Variants in SPATA16 observed in about 807,000 individuals in gnomAD.
SPATA16 encodes the protein spermatogenesis-associated protein 16.
SPATA16 carries 36 observed loss-of-function variants against 63.3 expected under a neutral mutation model. The observed-to-expected ratio is 0.57, with a 90% CI of 0.44 to 0.75. SPATA16 has a LOEUF of 0.75. Among genes scored for constraint, SPATA16 ranks in the 30% least tolerant of loss-of-function variants. The pLI is 0.00. For missense variants in SPATA16, 646 were observed against 679.3 expected (o/e 0.95, Z 0.54); for synonymous variants, 203 against 216.7 (o/e 0.94, Z 0.56).
chr3:173,047,288 C>A (rs1247562324), intron 3 of SPATA16, among the ~76,000 whole-genome samples: 1 of 151,426 alleles, frequency 6.6e-6, no homozygotes, highest in Non-Finnish European at 1.5e-5. Context: ...TTTGACATGA[C>A]CATGCCATTT....
chr3:172,972,026 C>T (rs1400271721), intron 5 of SPATA16, among the ~76,000 whole-genome samples: 2 of 152,238 alleles, frequency 1.3e-5, no homozygotes, highest in South Asian at 2.1e-4. Context: ...TTTTTTGTCT[C>T]TCAGTTCAGC....
At chr3:173,093,143 C>G (rs185161142) in intron 2 of SPATA16, among the ~76,000 whole-genome samples, 2 of 151,790 alleles carry the variant, frequency 1.3e-5, no homozygotes, top group East Asian at 3.9e-4. Context: ...GAAAGTCTAT[C>G]CCCAATTCTA....
At chr3:173,137,385 C>T (rs563823657) in intron 1 of SPATA16, among the ~76,000 whole-genome samples, 4 of 152,136 alleles carry the variant, frequency 2.6e-5, no homozygotes, top group Non-Finnish European at 4.4e-5. Context: ...CAGAAATGAT[C>T]ACCTGCTACT....
intron 4 of SPATA16, among the ~76,000 whole-genome samples, chr3:173,002,683 A>G (rs928452861): frequency 6.6e-6 from 1 of 152,216 alleles, no homozygotes; most frequent in South Asian, 2.1e-4. Context: ...ATGTTACAAA[A>G]TTATCTTATA....
rs533636515 is a variant in SPATA16 at position 173,061,883 on chromosome 3, CAG to C, written c.613-12791_613-12790del. On this transcript the variant is annotated intron_variant, in intron 2 of 10. Coordinates refer to ENST00000351008, the MANE Select transcript of SPATA16 (RefSeq NM_031955.6). Reference sequence around the variant, plus strand: ...ACATCAGTGGACTTAAAAGTACTATCAGAGTTTCAGGAGCAATGCTTTTCAGT... The same window carrying C: ...ACATCAGTGGACTTAAAAGTACTATCAGTTTCAGGAGCAATGCTTTTCAGT... Among the ~76,000 whole-genome samples, 31 of 152,248 alleles carry C rather than the reference CAG, an allele frequency of 2.0e-4. 1 individual carries two copies. In the East Asian group the frequency reaches 6.0e-3, roughly 29 times the overall value.
chr3:173,066,595 G>A (rs995977447), intron 2 of SPATA16, among the ~76,000 whole-genome samples: 4 of 152,158 alleles, frequency 2.6e-5, no homozygotes, highest in African/African-American at 9.7e-5. Context: ...GTAGTCCTGG[G>A]CTTAGGGCAC....
At chr3:172,954,030 C>T (rs917262404) in intron 6 of SPATA16, among the ~76,000 whole-genome samples, 2 of 152,140 alleles carry the variant, frequency 1.3e-5, no homozygotes. Context: ...ATATATGTTA[C>T]AATAAATAGC....
At chr3:172,978,845 T>C (rs1231256278) in intron 4 of SPATA16, among the ~76,000 whole-genome samples, 1 of 152,220 alleles carries the variant, frequency 6.6e-6, no homozygotes, top group African/African-American at 2.4e-5. Context: ...TCCAATAAGA[T>C]TTTATTTACA....
At chr3:172,919,169 T>G (rs965121660) in intron 8 of SPATA16, among the ~76,000 whole-genome samples, 2 of 152,246 alleles carry the variant, frequency 1.3e-5, no homozygotes, top group Non-Finnish European at 2.9e-5. Flanking sequence ...GGCAAGAGAT[T>G]TGATTATTTT....
chr3:173,061,944 A>G (rs1360374494), intron 2 of SPATA16, among the ~76,000 whole-genome samples: 1 of 152,148 alleles, frequency 6.6e-6, no homozygotes, highest in African/African-American at 2.4e-5. Context: ...TATTAAATTT[A>G]TGCCAAATGA....
intron 3 of SPATA16, among the ~76,000 whole-genome samples, chr3:173,047,274 AC>A (rs759689267): frequency 6.6e-6 from 1 of 151,598 alleles, no homozygotes; most frequent in Non-Finnish European, 1.5e-5. Flanking sequence ...TGAATTAATT[AC>A]ATTTTGACAT....
At chr3:172,978,109 A>T (rs890529056) in intron 4 of SPATA16, among the ~76,000 whole-genome samples, 1 of 151,506 alleles carries the variant, frequency 6.6e-6, no homozygotes, top group Non-Finnish European at 1.5e-5. Context: ...CACCAACTGG[A>T]GGATTATTCA....
intron 8 of SPATA16, among the ~76,000 whole-genome samples, chr3:172,923,097 A>G (rs1732651142): frequency 6.6e-6 from 1 of 152,186 alleles, no homozygotes; most frequent in South Asian, 2.1e-4. Context: ...GGTTCTGGTT[A>G]GCAAAGCTTT....
At chr3:172,966,651 T>G (rs890109002) in intron 5 of SPATA16, among the ~76,000 whole-genome samples, 1 of 152,148 alleles carries the variant, frequency 6.6e-6, no homozygotes, top group African/African-American at 2.4e-5. Context: ...CAGGTACAGA[T>G]AAGTAGGCAG....
intron 3 of SPATA16, among the ~76,000 whole-genome samples, chr3:173,041,060 A>G (rs1381465267): frequency 6.6e-6 from 1 of 152,160 alleles, no homozygotes; most frequent in Non-Finnish European, 1.5e-5. Context: ...TGTGATCTTC[A>G]GAGGAAGCAT....
At chr3:173,014,734 C>G (rs138497821) in intron 4 of SPATA16, among the ~76,000 whole-genome samples, 2 of 152,324 alleles carry the variant, frequency 1.3e-5, no homozygotes, top group East Asian at 1.9e-4. Context: ...GTGATGGCCA[C>G]TCTCTTTGGA....
chr3:172,914,113 G>A (rs1464506610), intron 9 of SPATA16, among the ~76,000 whole-genome samples: 1 of 152,150 alleles, frequency 6.6e-6, no homozygotes, highest in Non-Finnish European at 1.5e-5. Flanking sequence ...TGAGGCTAAT[G>A]TATCATAATT....
intron 4 of SPATA16, among the ~76,000 whole-genome samples, chr3:173,008,954 T>G (rs963902198): frequency 6.6e-6 from 1 of 152,244 alleles, no homozygotes; most frequent in African/African-American, 2.4e-5. Context: ...ATATATTCAA[T>G]AAGACTATCT....
intron 2 of SPATA16, among the ~76,000 whole-genome samples, chr3:173,051,425 G>A (rs529594944): frequency 4.6e-5 from 7 of 152,016 alleles, no homozygotes; most frequent in African/African-American, 7.2e-5. Context: ...GATGACCTCG[G>A]TCTTCTGACC....
Sources: gnomAD v4.1 joint callset for allele counts (sites outside exome capture counted in the v4.1 genomes callset) on GRCh38, gnomAD v4.1.1 for gene constraint, MANE v1.5 for transcripts, NCBI Gene and HGNC (gene_info 2026-07-23, HGNC 2026-07-21) for gene names.